FGD6: variants seen among roughly 807,000 people sequenced by gnomAD.
FGD6 encodes the protein FYVE, RhoGEF and PH domain-containing protein 6.
In FGD6, 90 loss-of-function variants were observed where a neutral mutation model predicts 149.4. That is an observed-to-expected ratio of 0.60 (90% CI 0.51 to 0.72). The LOEUF (loss-of-function observed/expected upper bound fraction) is 0.72, where lower values mean the gene tolerates loss of function less well. FGD6 is among the 30% of genes least tolerant of loss of function. FGD6 has a pLI of 0.00. For missense variants in FGD6, 1,437 were observed against 1,684.8 expected, an observed-to-expected ratio of 0.85 and a Z score of 2.57; for synonymous variants, 527 against 584.0, an observed-to-expected ratio of 0.90 and a Z score of 1.41.
chr12:95,131,138 G>T (rs1879510450), intron 8 of FGD6, among the ~76,000 whole-genome samples: 1 of 146,392 alleles, frequency 6.8e-6, no homozygotes, highest in Non-Finnish European at 1.5e-5. Flanking sequence ...TTGAGAGGGA[G>T]GTTGCTCTTC....
intron 14 of FGD6, among the ~76,000 whole-genome samples, chr12:95,101,219 C>T (rs1208691100): frequency 3.3e-5 from 5 of 151,894 alleles, no homozygotes; most frequent in African/African-American, 7.3e-5. Context: ...TGGCGGCGCA[C>T]CCCTGTAGTC....
rs1043970145 is a variant in FGD6 at position 95,080,534 on chromosome 12, C to T, written c.*986G>A. On this transcript the variant is annotated 3_prime_UTR_variant, in exon 21 of 21. Coordinates refer to ENST00000343958, the MANE Select transcript of FGD6 (RefSeq NM_018351.4). ...GAAAAAGACCTTTTGAAAATGAATA[C>T]TATAGAATTTCAGTTATTACTGGCT... is the stretch of plus-strand genomic sequence containing the variant. 4.6e-5 allele frequency: 7 copies of T among 151,512 alleles called. No homozygotes were observed. The highest frequency in any genetic ancestry group is 1.7e-4 in the African/African-American group (7 of 41,134). The allele number at this position is 151,512 out of a possible 1,614,324, so 9.4% of individuals were successfully genotyped here.
chr12:95,083,010 A>T (rs376031806), intron 20 of FGD6, among the ~76,000 whole-genome samples: 2,201 of 23,960 alleles, frequency 0.092, 33 homozygotes, highest in Non-Finnish European at 0.12. Context: ...AAAAAAAAAA[A>T]AAATATATAT....
chr12:95,079,207 C>A lies in FGD6; in HGVS notation c.*2313G>T, dbSNP rs1042958748. The A allele has an allele frequency of 1.3e-5, 2 of 152,128 alleles. No individual in the cohort carries two copies. Among genetic ancestry groups the A allele is most frequent in the Non-Finnish European group, 2.9e-5 (2 of 68,022 alleles). 9.4% of individuals were successfully genotyped at this position (152,128 alleles called of 1,614,324 possible). A position where few individuals can be genotyped will look rare whatever the true frequency, so the allele number is the denominator to read the frequency against. ...TAATACTATTCCACATTTAAAACAT[C>A]TTTTTGGGAGAAGGATAATTGGATA... On this transcript the variant is annotated 3_prime_UTR_variant, in exon 21 of 21. Coordinates refer to ENST00000343958, the MANE Select transcript of FGD6 (RefSeq NM_018351.4).
Position 95,105,066 on chromosome 12 carries a change from T to G in FGD6, c.3438A>C (p.Glu1146Asp), listed in dbSNP as rs375562196. 4 of 1,611,108 alleles carry G rather than the reference T, an allele frequency of 2.5e-6. No homozygotes were observed. The highest frequency in any genetic ancestry group is 1.3e-5 in the African/African-American group (1 of 74,656). ...CAATCTTTAATTCATTCTGATAGGC[T>G]TCTTGGGTAGGTTTTCTGACCTGGA... ...AGMKVRKPTQ[E>D]AYQNELKIES... The change falls in exon 14 of 21, where the codon GAA (glutamate) becomes GAC (aspartate). Residue 1146 changes from glutamate (E) to aspartate (D), a missense_variant. Around this residue, in one of 2 missense-constraint regions of FGD6, gnomAD observed 382 missense variants for 538.7 expected, o/e 0.71. Transcript: ENST00000343958.
chr12:95,187,416 ATCATGAGGTGGGCAG>A (rs1881471914), intron 2 of FGD6, among the ~76,000 whole-genome samples: 1 of 20,422 alleles, frequency 4.9e-5, no homozygotes, highest in African/African-American at 1.6e-4. Flanking sequence ...AGGCGGGCAG[ATCATGAGGTGGGCAG>A]ATCATGAGGT....
At chr12:95,091,362 T>A (rs921536678) in intron 17 of FGD6, among the ~76,000 whole-genome samples, 11 of 152,216 alleles carry the variant, frequency 7.2e-5, no homozygotes, top group Non-Finnish European at 1.5e-4. Flanking sequence ...AGAATTACTT[T>A]ACATATAGAT....
intron 20 of FGD6, among the ~76,000 whole-genome samples, chr12:95,083,522 T>C (rs1040294851): frequency 1.3e-5 from 2 of 152,208 alleles, no homozygotes; most frequent in African/African-American, 2.4e-5. Context: ...ATAATTTTTA[T>C]AGAAAAGATG....
chr12:95,135,323 A>G (rs1290270915), intron 7 of FGD6, among the ~76,000 whole-genome samples: 1 of 152,200 alleles, frequency 6.6e-6, no homozygotes, highest in Admixed American at 6.5e-5. Flanking sequence ...GTAGAAAGTA[A>G]AGATAACCTG....
chr12:95,100,066 C>G (rs963069882), intron 14 of FGD6, among the ~76,000 whole-genome samples: 5 of 92,716 alleles, frequency 5.4e-5, no homozygotes, highest in Non-Finnish European at 9.3e-5. Flanking sequence ...CCCCCCCCCC[C>G]CCACCCCATA....
chr12:95,116,905 C>T (rs1204820170), intron 8 of FGD6: 1 of 455,978 alleles, frequency 2.2e-6, no homozygotes, highest in Admixed American at 2.3e-5. Context: ...TTAACTGCAG[C>T]ATAAGAATGT....
At chr12:95,091,882 C>A in intron 16 of FGD6, 73 bp from the exon 17 acceptor site, 2 of 1,146,860 alleles carry the variant, frequency 1.7e-6, no homozygotes, top group Non-Finnish European at 1.3e-6. Context: ...AAGTATGTTA[C>A]AATTTACAGT....
intron 8 of FGD6, chr12:95,125,801 C>T (rs1374074606): frequency 7.3e-5 from 59 of 808,900 alleles, no homozygotes; most frequent in South Asian, 1.2e-4. Flanking sequence ...GGGCAACCTA[C>T]GTCGCCTTTG....
At chr12:95,102,795 G>C (rs1019323346) in intron 14 of FGD6, among the ~76,000 whole-genome samples, 1 of 152,058 alleles carries the variant, frequency 6.6e-6, no homozygotes, top group African/African-American at 2.4e-5. Context: ...AATTATAAAG[G>C]TTGTCAGAAA....
intron 1 of FGD6, among the ~76,000 whole-genome samples, chr12:95,215,694 T>C (rs1253083982): frequency 6.6e-6 from 1 of 152,244 alleles, no homozygotes; most frequent in East Asian, 1.9e-4. Context: ...GCTTGCATTA[T>C]TTTAGGATAA....
intron 3 of FGD6, among the ~76,000 whole-genome samples, chr12:95,171,677 G>A (rs1040034191): frequency 1.3e-5 from 2 of 152,014 alleles, no homozygotes; most frequent in Non-Finnish European, 1.5e-5. Context: ...CACCATGGTC[G>A]GCTAATTTTT....
At chr12:95,208,475 T>C (rs917294273) in intron 2 of FGD6, among the ~76,000 whole-genome samples, 45 of 152,066 alleles carry the variant, frequency 3.0e-4, no homozygotes, top group Non-Finnish European at 7.4e-5. Context: ...TCAGACTTCT[T>C]ATACCTAGCA....
At chr12:95,158,839 T>A (rs1880556806) in intron 3 of FGD6, among the ~76,000 whole-genome samples, 1 of 151,592 alleles carries the variant, frequency 6.6e-6, no homozygotes, top group South Asian at 2.1e-4. Context: ...CTGGGCAACA[T>A]AATGAGACCA....
chr12:95,127,731 G>A (rs996805806), intron 8 of FGD6, among the ~76,000 whole-genome samples: 2 of 152,056 alleles, frequency 1.3e-5, no homozygotes, highest in African/African-American at 4.8e-5. Flanking sequence ...TAAAGGCAAA[G>A]ACAACGAGAA....
Sources: gnomAD v4.1 joint callset for allele counts (sites outside exome capture counted in the v4.1 genomes callset) on GRCh38, gnomAD v4.1.1 for gene constraint, gnomAD v4.1.1 regional missense constraint, MANE v1.5 for transcripts, NCBI Gene and HGNC (gene_info 2026-07-23, HGNC 2026-07-21) for gene names.